C8orf34: variants seen among roughly 807,000 people sequenced by gnomAD.
C8orf34 encodes the protein chromosome 8 open reading frame 34.
Under a neutral mutation model 68.3 loss-of-function variants are expected in C8orf34, and 65 were observed. That is an observed-to-expected ratio of 0.95 (90% confidence interval 0.78 to 1.17). The LOEUF is 1.17. Among genes scored for constraint, C8orf34 ranks in the 50% most tolerant of loss-of-function variants. The probability of loss-of-function intolerance (pLI) is 0.00; values close to 1 mark genes in which losing one functional copy is unlikely to be tolerated. For synonymous variants in C8orf34, 244 were observed against 241.2 expected (o/e 1.01, Z -0.11); for missense variants, 664 against 655.4 (o/e 1.01, Z -0.14).
At chr8:68,619,858 C>T (rs1370846371) in intron 7 of C8orf34, among the ~76,000 whole-genome samples, 1 of 152,016 alleles carries the variant, frequency 6.6e-6, no homozygotes, top group Non-Finnish European at 1.5e-5. Context: ...GACAAAAGCC[C>T]TTATAATTTC....
chr8:68,679,428 G>A (rs1351730282), intron 8 of C8orf34, among the ~76,000 whole-genome samples: 2 of 151,764 alleles, frequency 1.3e-5, no homozygotes, highest in African/African-American at 4.8e-5. Context: ...AATTTAAGAG[G>A]ACACAAAAAT....
chr8:68,594,676 C>T (rs1157171550), intron 7 of C8orf34, among the ~76,000 whole-genome samples: 1 of 152,008 alleles, frequency 6.6e-6, no homozygotes, highest in Non-Finnish European at 1.5e-5. Flanking sequence ...TACTATTCTA[C>T]ATTTTTCTGT....
intron 3 of C8orf34, among the ~76,000 whole-genome samples, chr8:68,462,329 C>T (rs1019328350): frequency 2.6e-5 from 4 of 152,146 alleles, no homozygotes; most frequent in Non-Finnish European, 5.9e-5. Flanking sequence ...TAGACTCCCA[C>T]ACAATAATAA....
At chr8:68,783,993 A>C (rs182372911) in intron 11 of C8orf34, among the ~76,000 whole-genome samples, 93 of 152,266 alleles carry the variant, frequency 6.1e-4, no homozygotes, top group Non-Finnish European at 9.3e-4. Flanking sequence ...CTGATACTTT[A>C]TGTTAGTATG....
At chr8:68,574,908 T>C (rs1816857991) in intron 7 of C8orf34, among the ~76,000 whole-genome samples, 1 of 151,858 alleles carries the variant, frequency 6.6e-6, no homozygotes. Context: ...AAATAGGGAG[T>C]GTCTATAAAA....
rs150782142 is a variant in C8orf34, at chr8:68,333,720, T to C, written c.327+2381T>C. 4.6e-4 allele frequency among the ~76,000 whole-genome samples: 70 copies of C among 152,342 alleles called. No homozygotes were observed. The East Asian group carries it at 0.012, about 26-fold the overall frequency. On this transcript the variant is annotated intron_variant, in intron 1 of 13. Transcript: ENST00000518698. Reference sequence around the variant, plus strand: ...GGAGGTGCCCAGCAATCTGAACATATTTAGAAGCAGCACAAATGTTTGCTA... The same window carrying C: ...GGAGGTGCCCAGCAATCTGAACATACTTAGAAGCAGCACAAATGTTTGCTA...
At chr8:68,396,937 T>C (rs919040533) in intron 1 of C8orf34, among the ~76,000 whole-genome samples, 3 of 151,990 alleles carry the variant, frequency 2.0e-5, no homozygotes, top group Non-Finnish European at 2.9e-5. Flanking sequence ...CTTCATGTAT[T>C]CCTTTATAGC....
At chr8:68,777,569 G>A (rs534799778) in intron 11 of C8orf34, among the ~76,000 whole-genome samples, 12 of 152,218 alleles carry the variant, frequency 7.9e-5, no homozygotes, top group African/African-American at 2.4e-4. Flanking sequence ...TGCCATCATC[G>A]GGGGCTTGTA....
Position 68,665,293 on chromosome 8 carries a change from G to A in C8orf34, c.1241+24782G>A, listed in dbSNP as rs542302776. Among the ~76,000 whole-genome samples the A allele has an allele frequency of 7.2e-5, 11 of 152,344 alleles. No homozygotes were observed. The South Asian group carries it at 2.1e-3, about 29-fold the overall frequency. On this transcript the variant is annotated intron_variant, in intron 8 of 13. Coordinates refer to ENST00000518698, the MANE Select transcript of C8orf34 (RefSeq NM_052958.4). Reference sequence around the variant, plus strand: ...GGCAGTAGGCAGCAATGAGAATTATGTGAATATTTTAGAGAAGTAGCTATT... The same window carrying A: ...GGCAGTAGGCAGCAATGAGAATTATATGAATATTTTAGAGAAGTAGCTATT...
At chr8:68,450,863 A>G (rs767380938) in intron 3 of C8orf34, among the ~76,000 whole-genome samples, 1 of 152,248 alleles carries the variant, frequency 6.6e-6, no homozygotes, top group Middle Eastern at 3.4e-3. Flanking sequence ...CACCAGCTGC[A>G]TTAGCCCCTG....
chr8:68,408,194 C>T (rs1333890819), intron 1 of C8orf34, among the ~76,000 whole-genome samples: 5 of 151,850 alleles, frequency 3.3e-5, no homozygotes, highest in Admixed American at 2.0e-4. Context: ...ATCTAGGTTA[C>T]ATGCTCCTTA....
chr8:68,583,394 A>G (rs920443635), intron 7 of C8orf34, among the ~76,000 whole-genome samples: 1 of 152,172 alleles, frequency 6.6e-6, no homozygotes, highest in African/African-American at 2.4e-5. Flanking sequence ...TAGAGAATTT[A>G]AGTAACTTGT....
chr8:68,518,644 T>A (rs1814617960), intron 5 of C8orf34, among the ~76,000 whole-genome samples: 1 of 152,118 alleles, frequency 6.6e-6, no homozygotes, highest in Non-Finnish European at 1.5e-5. Flanking sequence ...ATGAATGTAA[T>A]CCCAGCACTT....
chr8:68,687,240 T>A (rs1453703974), intron 8 of C8orf34, among the ~76,000 whole-genome samples: 2 of 152,032 alleles, frequency 1.3e-5, no homozygotes, highest in Non-Finnish European at 2.9e-5. Context: ...ATATTATTTT[T>A]CATAGAACTA....
intron 7 of C8orf34, among the ~76,000 whole-genome samples, chr8:68,584,656 C>A (rs1371744962): frequency 1.3e-5 from 2 of 151,982 alleles, no homozygotes. Flanking sequence ...TTCTCGTTAA[C>A]AAAATTGTCC....
intron 3 of C8orf34, among the ~76,000 whole-genome samples, chr8:68,461,390 TC>T (rs1470508243): frequency 1.3e-5 from 2 of 152,126 alleles, no homozygotes; most frequent in Non-Finnish European, 2.9e-5. Flanking sequence ...CAGGAGAACT[TC>T]CCCAATCTAG....
intron 7 of C8orf34, among the ~76,000 whole-genome samples, chr8:68,540,602 G>A (rs950414828): frequency 2.0e-5 from 3 of 151,908 alleles, no homozygotes; most frequent in African/African-American, 4.8e-5. Flanking sequence ...CAGCACTTTG[G>A]GAGGCCAAGG....
chr8:68,429,103 A>G (rs989175559), intron 1 of C8orf34, among the ~76,000 whole-genome samples: 2 of 152,200 alleles, frequency 1.3e-5, no homozygotes, highest in Non-Finnish European at 2.9e-5. Flanking sequence ...ATTAAAATAA[A>G]GAACTTTTGT....
intron 3 of C8orf34, among the ~76,000 whole-genome samples, chr8:68,456,495 A>G (rs1201377450): frequency 6.6e-6 from 1 of 152,210 alleles, no homozygotes; most frequent in Non-Finnish European, 1.5e-5. Context: ...GAATAAATGA[A>G]TAAATGAGGA....
Sources: gnomAD v4.1 joint callset for allele counts (sites outside exome capture counted in the v4.1 genomes callset) on GRCh38, gnomAD v4.1.1 for gene constraint, MANE v1.5 for transcripts, NCBI Gene and HGNC (gene_info 2026-07-23, HGNC 2026-07-21) for gene names.